The following FOXK1 variants were observed in gnomAD, a reference collection of about 807,000 sequenced individuals.
FOXK1 encodes forkhead box protein K1.
FOXK1 carries 19 observed loss-of-function variants against 51.9 expected under a neutral mutation model. That is an observed-to-expected ratio of 0.37 (90% CI 0.26 to 0.54). The LOEUF is 0.54. FOXK1 is among the 20% of genes least tolerant of loss of function. FOXK1 has a pLI of 0.87. For missense variants in FOXK1, 870 were observed against 1,032.7 expected (o/e 0.84, Z 2.16); for synonymous variants, 537 against 482.6 (o/e 1.11, Z -1.48).
rs1780432485 is a variant in FOXK1, at chr7:4,730,223, C to G, written c.561-10615C>G. Among the ~76,000 whole-genome samples the G allele has an allele frequency of 6.6e-6, 1 of 152,170 alleles. No individual in the cohort carries two copies. Among genetic ancestry groups the G allele is most frequent in the African/African-American group, 2.4e-5 (1 of 41,426 alleles). ...TAAGAACTTATAAACACTAAAACTGCTACCGGGTTTTAATTCACACACACC... is the reference window on the plus strand; with the variant it reads ...TAAGAACTTATAAACACTAAAACTGGTACCGGGTTTTAATTCACACACACC... On this transcript the variant is annotated intron_variant, in intron 1 of 8. Transcript: ENST00000328914. The surrounding 1 kb of genome is among the most constrained non-coding windows in gnomAD (Gnocchi z 4.7).
chr7:4,692,107 CTA>C (rs1779900598), intron 1 of FOXK1, among the ~76,000 whole-genome samples: 1 of 151,982 alleles, frequency 6.6e-6, no homozygotes, highest in Non-Finnish European at 1.5e-5. Context: ...AATAATAACT[CTA>C]TTTCAAAAAT....
chr7:4,707,930 T>A lies in FOXK1; in HGVS notation c.560+25062T>A, dbSNP rs1583188526. 2.0e-5 allele frequency among the ~76,000 whole-genome samples: 3 copies of A among 152,154 alleles called. No individual in the cohort carries two copies. Among genetic ancestry groups the A allele is most frequent in the East Asian group, 3.9e-4 (2 of 5,170 alleles). On this transcript the variant is annotated intron_variant, in intron 1 of 8. Transcript: ENST00000328914. This position sits in a 1 kb window ranked among gnomAD's most constrained non-coding sequence, Gnocchi z 4.1. ...AACTCCTGCCCCAAGTGATCCACCC[T>A]CCTCAGCCTCCCAAAGTGCTGGGAT...
intron 1 of FOXK1, among the ~76,000 whole-genome samples, chr7:4,700,030 C>T (rs1451633966): frequency 2.0e-5 from 3 of 152,176 alleles, no homozygotes; most frequent in Admixed American, 6.5e-5. Flanking sequence ...GCCTGTGAAG[C>T]GTTTCAGAGT....
At chr7:4,705,085 G>A (rs1780066054) in intron 1 of FOXK1, among the ~76,000 whole-genome samples, 1 of 152,164 alleles carries the variant, frequency 6.6e-6, no homozygotes, top group Non-Finnish European at 1.5e-5. Flanking sequence ...GCCCGCAGCA[G>A]CCTCCCAAAG....
intron 1 of FOXK1, among the ~76,000 whole-genome samples, chr7:4,714,764 T>C (rs1423901322): frequency 6.6e-6 from 1 of 152,186 alleles, no homozygotes; most frequent in Non-Finnish European, 1.5e-5. Context: ...AAATTTTGTT[T>C]TGGTTTTTTT....
rs1780741347 is a variant in FOXK1, at chr7:4,748,975, G to T, written c.747-5484G>T. On this transcript the variant is annotated intron_variant, in intron 2 of 8. Coordinates refer to ENST00000328914, the MANE Select transcript of FOXK1 (RefSeq NM_001037165.2). The surrounding 1 kb of genome is among the most constrained non-coding windows in gnomAD (Gnocchi z 4.9). Reference sequence around the variant, plus strand: ...ATTACAGGTGTGAGCCACCTCGCCTGGACCCCCAGGTTCCTGTCCACGCTT... The same window carrying T: ...ATTACAGGTGTGAGCCACCTCGCCTTGACCCCCAGGTTCCTGTCCACGCTT... Among the ~76,000 whole-genome samples the T allele has an allele frequency of 6.6e-6, 1 of 152,158 alleles. No homozygotes were observed. The highest frequency in any genetic ancestry group is 1.5e-5 in the Non-Finnish European group (1 of 68,010).
At chr7:4,701,514 G>A (rs963700629) in intron 1 of FOXK1, among the ~76,000 whole-genome samples, 1 of 152,200 alleles carries the variant, frequency 6.6e-6, no homozygotes, top group Non-Finnish European at 1.5e-5. Flanking sequence ...CCAACACTTT[G>A]GGAGACTGAG....
rs975400196 is a variant in FOXK1 at position 4,703,104 on chromosome 7, G to GGGGCTGGGCT, written c.560+20249_560+20258dup. ...GCTGGGTGAGAGTGCCTCTGTGTCG[G>GGGGCTGGGCT]GGGCTGGGCTGGGCTGGGCTGGACT... On this transcript the variant is annotated intron_variant, in intron 1 of 8. Coordinates refer to ENST00000328914, the MANE Select transcript of FOXK1 (RefSeq NM_001037165.2). This position sits in a 1 kb window ranked among gnomAD's most constrained non-coding sequence, Gnocchi z 5.6. Among the ~76,000 whole-genome samples the GGGGCTGGGCT allele has an allele frequency of 6.6e-6, 1 of 152,158 alleles. No individual in the cohort carries two copies. Among genetic ancestry groups the GGGGCTGGGCT allele is most frequent in the African/African-American group, 2.4e-5 (1 of 41,424 alleles).
chr7:4,737,569 TGTGTGC>T (rs1301966255), intron 1 of FOXK1, among the ~76,000 whole-genome samples: 1 of 151,978 alleles, frequency 6.6e-6, no homozygotes, highest in Non-Finnish European at 1.5e-5. Context: ...TGTGTGTGTG[TGTGTGC>T]ATGCATGTGT....
chr7:4,692,667 G>C (rs1207695269), intron 1 of FOXK1, among the ~76,000 whole-genome samples: 1 of 152,178 alleles, frequency 6.6e-6, no homozygotes, highest in East Asian at 1.9e-4. Context: ...GCCTGCCTCA[G>C]CCACCCAAAG....
chr7:4,754,407 A>AGG, intron 2 of FOXK1, 52 bp from the exon 3 acceptor site: 1 of 1,591,076 alleles, frequency 6.3e-7, no homozygotes, highest in Admixed American at 1.7e-5. Flanking sequence ...TGAGCCCCAC[A>AGG]GGGGCCCCCT....
At chr7:4,718,493 CT>C (rs1438394608) in intron 1 of FOXK1, among the ~76,000 whole-genome samples, 3 of 152,222 alleles carry the variant, frequency 2.0e-5, no homozygotes, top group African/African-American at 7.2e-5. Flanking sequence ...GTTTGACCCC[CT>C]GTCTACTGAA....
chr7:4,690,248 A>G (rs1483176156), intron 1 of FOXK1, among the ~76,000 whole-genome samples: 4 of 152,242 alleles, frequency 2.6e-5, no homozygotes, highest in Non-Finnish European at 4.4e-5. Context: ...GGGGAGAACA[A>G]TCACTGCTGC....
intron 1 of FOXK1, among the ~76,000 whole-genome samples, chr7:4,710,206 A>G (rs1283638128): frequency 2.6e-5 from 4 of 152,236 alleles, no homozygotes; most frequent in Non-Finnish European, 5.9e-5. Flanking sequence ...CTCAGTCGCA[A>G]ACAACACAAA....
chr7:4,683,050 C>T lies in FOXK1; in HGVS notation c.560+182C>T, dbSNP rs932751810. Among the ~76,000 whole-genome samples the T allele has an allele frequency of 7.1e-6, 1 of 140,500 alleles. No individual in the cohort carries two copies. Among genetic ancestry groups the T allele is most frequent in the Non-Finnish European group, 1.6e-5 (1 of 64,422 alleles). The allele number at this position is 140,500 out of a possible 152,430, so 92.2% of individuals were successfully genotyped here. A position where few individuals can be genotyped will look rare whatever the true frequency, so the allele number is the denominator to read the frequency against. On this transcript the variant is annotated intron_variant, in intron 1 of 8. Coordinates refer to ENST00000328914, the MANE Select transcript of FOXK1 (RefSeq NM_001037165.2). This position sits in a 1 kb window ranked among gnomAD's most constrained non-coding sequence, Gnocchi z 4.5. Reference sequence around the variant, plus strand: ...GTCAACCCCGACCCCCGCCTCCTGGCTCCCTAGGATCACCCCGACCCCGAT... The same window carrying T: ...GTCAACCCCGACCCCCGCCTCCTGGTTCCCTAGGATCACCCCGACCCCGAT...
At chr7:4,691,794 C>T (rs909754374) in intron 1 of FOXK1, among the ~76,000 whole-genome samples, 8 of 152,154 alleles carry the variant, frequency 5.3e-5, no homozygotes, top group Non-Finnish European at 1.2e-4. Flanking sequence ...CAGTGGCTCC[C>T]GTGTACCCAG....
Position 4,762,215 on chromosome 7 carries a change from C to T in FOXK1, c.1953C>T (p.Thr651=). 1.3e-6 allele frequency: 2 copies of T among 1,555,610 alleles called. No homozygotes were observed. Among genetic ancestry groups the T allele is most frequent in the South Asian group, 2.4e-5 (2 of 84,238 alleles). ...ALTSPLQLLA[T]QASSSAPVVV... ...CCAGCCCTTTGCAGCTCCTTGCGACCCAAGCGAGTTCATCCGCGCCGGTGG... is the reference window on the plus strand; with the variant it reads ...CCAGCCCTTTGCAGCTCCTTGCGACTCAAGCGAGTTCATCCGCGCCGGTGG... Residue 651 remains threonine, a synonymous_variant, in exon 9 of 9, where the codon ACC becomes ACT. Transcript: ENST00000328914. The surrounding 1 kb of genome is among the most constrained non-coding windows in gnomAD (Gnocchi z 5.7).
chr7:4,727,253 A>G (rs1412235049), intron 1 of FOXK1, among the ~76,000 whole-genome samples: 1 of 152,018 alleles, frequency 6.6e-6, no homozygotes, highest in African/African-American at 2.4e-5. Context: ...CTCCCAGCCT[A>G]TTATTATTAT....
At chr7:4,741,540 A>G (rs1471151466) in intron 2 of FOXK1, among the ~76,000 whole-genome samples, 1 of 152,154 alleles carries the variant, frequency 6.6e-6, no homozygotes, top group Non-Finnish European at 1.5e-5. Context: ...GATGTTGGCC[A>G]TGCTGGTCTC....
Sources: gnomAD v4.1 joint callset for allele counts (sites outside exome capture counted in the v4.1 genomes callset) on GRCh38, gnomAD v4.1.1 for gene constraint, Gnocchi (gnomAD v3.1) non-coding constraint, MANE v1.5 for transcripts, NCBI Gene and HGNC (gene_info 2026-07-23, HGNC 2026-07-21) for gene names.